DLG2: variants seen among roughly 807,000 people sequenced by gnomAD.
DLG2 encodes disks large homolog 2.
Under a neutral mutation model 132.5 loss-of-function variants are expected in DLG2, and 45 were observed. The observed-to-expected ratio is 0.34, with a 90% CI of 0.27 to 0.44. The LOEUF (loss-of-function observed/expected upper bound fraction) is 0.44. Among genes scored for constraint, DLG2 ranks in the 20% least tolerant of loss-of-function variants. DLG2 has a pLI of 1.00. For missense variants in DLG2, 1,045 were observed against 1,196.9 expected, an observed-to-expected ratio of 0.87 and a Z score of 1.87; for synonymous variants, 424 against 419.6, an observed-to-expected ratio of 1.01 and a Z score of -0.13.
At chr11:85,138,743 C>T (rs2076277863) in intron 5 of DLG2, among the ~76,000 whole-genome samples, 1 of 150,530 alleles carries the variant, frequency 6.6e-6, no homozygotes, top group South Asian at 2.1e-4. Context: ...TCCTCATTTT[C>T]TCATACTGTC....
intron 7 of DLG2, among the ~76,000 whole-genome samples, chr11:84,335,220 A>C (rs1338823962): frequency 6.7e-6 from 1 of 148,838 alleles, no homozygotes; most frequent in Non-Finnish European, 1.5e-5. Context: ...GGAATGAAGG[A>C]AGGGAAGGAA....
At chr11:84,390,170 A>G (rs1225637221) in intron 7 of DLG2, among the ~76,000 whole-genome samples, 1 of 152,132 alleles carries the variant, frequency 6.6e-6, no homozygotes, top group Non-Finnish European at 1.5e-5. Context: ...CCAATTCTCT[A>G]ATTAATCAAC....
intron 18 of DLG2, among the ~76,000 whole-genome samples, chr11:83,674,387 A>C (rs1293332763): frequency 6.6e-6 from 1 of 152,212 alleles, no homozygotes; most frequent in Non-Finnish European, 1.5e-5. Flanking sequence ...CTTACTGATA[A>C]GGTAAGAAAT....
chr11:84,827,361 T>C (rs1362296300), intron 6 of DLG2, among the ~76,000 whole-genome samples: 2 of 145,374 alleles, frequency 1.4e-5, no homozygotes, highest in African/African-American at 5.0e-5. Flanking sequence ...CTAGAAAAAC[T>C]AAAAAAAAAA....
At chr11:84,797,338 C>T (rs1007557707) in intron 6 of DLG2, among the ~76,000 whole-genome samples, 1 of 152,144 alleles carries the variant, frequency 6.6e-6, no homozygotes, top group African/African-American at 2.4e-5. Flanking sequence ...TCTCTATCTT[C>T]CTCCAATTTA....
chr11:83,515,540 C>A (rs181144499), intron 21 of DLG2, among the ~76,000 whole-genome samples: 1 of 152,100 alleles, frequency 6.6e-6, no homozygotes, highest in African/African-American at 2.4e-5. Context: ...CTGCTCTGAT[C>A]TTAGTTATTT....
At chr11:85,025,729 T>A (rs1416301384) in intron 6 of DLG2, among the ~76,000 whole-genome samples, 3 of 152,178 alleles carry the variant, frequency 2.0e-5, no homozygotes, top group African/African-American at 7.2e-5. Context: ...AAGAAGGTTT[T>A]GTCTATTCAA....
At chr11:84,606,597 A>T (rs758722879) in intron 6 of DLG2, among the ~76,000 whole-genome samples, 16 of 152,138 alleles carry the variant, frequency 1.1e-4, no homozygotes, top group Non-Finnish European at 1.9e-4. Context: ...TGATGGATTA[A>T]ATGGCAATTG....
At chr11:83,982,815 T>C (rs1434147481) in intron 11 of DLG2, among the ~76,000 whole-genome samples, 1 of 152,174 alleles carries the variant, frequency 6.6e-6, no homozygotes, top group Non-Finnish European at 1.5e-5. Context: ...TGTACAGATG[T>C]ACCGTTGTTT....
intron 6 of DLG2, among the ~76,000 whole-genome samples, chr11:85,092,574 C>CA (rs2068959829): frequency 6.6e-6 from 1 of 151,032 alleles, no homozygotes; most frequent in Admixed American, 6.6e-5. Context: ...CTTAGGGATA[C>CA]TAAAGACAGT....
intron 3 of DLG2, chr11:85,453,147 A>G: frequency 3.6e-6 from 1 of 281,074 alleles, no homozygotes. Context: ...TCATGGTGAG[A>G]ATATTTCTCT....
intron 3 of DLG2, among the ~76,000 whole-genome samples, chr11:85,286,871 T>C (rs932749498): frequency 1.3e-5 from 2 of 152,174 alleles, no homozygotes; most frequent in South Asian, 4.1e-4. Flanking sequence ...GAACATCTTA[T>C]AGCCCCAGCA....
intron 6 of DLG2, among the ~76,000 whole-genome samples, chr11:84,801,961 C>T (rs2075434455): frequency 1.3e-5 from 2 of 152,110 alleles, no homozygotes; most frequent in African/African-American, 2.4e-5. Context: ...GTACAGGGCA[C>T]ATTTCTAAAA....
intron 7 of DLG2, among the ~76,000 whole-genome samples, chr11:84,386,671 T>C (rs11824172): frequency 0.011 from 1,678 of 152,280 alleles, 31 homozygotes; most frequent in African/African-American, 0.038. Flanking sequence ...CCAGGTCAGG[T>C]AATATGTTGA....
intron 4 of DLG2, among the ~76,000 whole-genome samples, chr11:85,243,788 A>G (rs2152682645): frequency 6.6e-6 from 1 of 152,124 alleles, no homozygotes; most frequent in Admixed American, 6.6e-5. Context: ...AACCTTGAAT[A>G]ACTCACTAAA....
chr11:84,773,226 C>G (rs1323524361), intron 6 of DLG2, among the ~76,000 whole-genome samples: 1 of 152,016 alleles, frequency 6.6e-6, no homozygotes, highest in Non-Finnish European at 1.5e-5. Context: ...CAAGAGTGAA[C>G]CAGGAATAAA....
intron 11 of DLG2, among the ~76,000 whole-genome samples, chr11:84,019,089 T>C (rs1175695013): frequency 1.3e-5 from 2 of 152,090 alleles, no homozygotes; most frequent in Non-Finnish European, 2.9e-5. Flanking sequence ...TTTTGTCTCA[T>C]AATAATTATA....
intron 3 of DLG2, among the ~76,000 whole-genome samples, chr11:85,557,973 CAA>C (rs1002839785): frequency 2.4e-4 from 36 of 151,762 alleles, no homozygotes; most frequent in African/African-American, 8.4e-4. Flanking sequence ...CTAATTAAAC[CAA>C]AGAGTTTCTG....
intron 3 of DLG2, among the ~76,000 whole-genome samples, chr11:85,400,473 A>C (rs2087942807): frequency 6.7e-6 from 1 of 149,404 alleles, no homozygotes; most frequent in Non-Finnish European, 1.5e-5. Context: ...CTATAAAGAC[A>C]CATGCACACG....
Sources: gnomAD v4.1 joint callset for allele counts (sites outside exome capture counted in the v4.1 genomes callset) on GRCh38, gnomAD v4.1.1 for gene constraint, MANE v1.5 for transcripts, NCBI Gene and HGNC (gene_info 2026-07-23, HGNC 2026-07-21) for gene names.